Variants in NR5A2 observed in about 807,000 individuals in gnomAD.
NR5A2 encodes nuclear receptor subfamily 5 group A member 2, also known as CYP7A promoter-binding factor.
A neutral mutation model predicts 62.7 loss-of-function variants in NR5A2; 26 were observed. The observed-to-expected ratio is 0.41, with a 90% confidence interval of 0.30 to 0.58. The LOEUF is 0.58. Among genes scored for constraint, NR5A2 ranks in the 20% least tolerant of loss-of-function variants. NR5A2 has a pLI of 0.22. For missense variants in NR5A2, 541 were observed against 669.1 expected, an observed-to-expected ratio of 0.81 and a Z score of 2.11; for synonymous variants, 246 against 241.7, an observed-to-expected ratio of 1.02 and a Z score of -0.16.
chr1:200,121,344 G>A (rs1387331988), intron 7 of NR5A2, among the ~76,000 whole-genome samples: 1 of 152,114 alleles, frequency 6.6e-6, no homozygotes, highest in Non-Finnish European at 1.5e-5. Context: ...GTTTCAACTT[G>A]CTATTTACTT....
intron 5 of NR5A2, among the ~76,000 whole-genome samples, chr1:200,086,184 G>A (rs1185952156): frequency 1.3e-5 from 2 of 152,168 alleles, no homozygotes; most frequent in African/African-American, 4.8e-5. Context: ...TTCACTTACT[G>A]TTGTTAAGAC....
chr1:200,138,522 A>C (rs1384791605), intron 7 of NR5A2, among the ~76,000 whole-genome samples: 2 of 152,014 alleles, frequency 1.3e-5, no homozygotes, highest in Non-Finnish European at 2.9e-5. Context: ...TTCTCCTTTA[A>C]TTTTTTTCCA....
At chr1:200,066,516 C>G (rs1663475214) in intron 5 of NR5A2, among the ~76,000 whole-genome samples, 1 of 151,728 alleles carries the variant, frequency 6.6e-6, no homozygotes, top group Non-Finnish European at 1.5e-5. Flanking sequence ...GATATAAATT[C>G]AAGCTCTTCC....
At chr1:200,081,975 G>A (rs1023782531) in intron 5 of NR5A2, among the ~76,000 whole-genome samples, 1 of 151,964 alleles carries the variant, frequency 6.6e-6, no homozygotes, top group African/African-American at 2.4e-5. Flanking sequence ...CTAACAGGGG[G>A]TCACCGCAGT....
In NR5A2 at chr1:200,039,001, C is replaced by G. The variant is rs1381386889; in HGVS notation, c.65-657C>G. ...CCTGGCCCTACTTACCTCCTTCTCC[C>G]CCTCGTCTTCCCCCCTGTCCTTCCC... is the stretch of plus-strand genomic sequence containing the variant. On this transcript the variant is annotated intron_variant, in intron 1 of 7. Transcript: ENST00000367362. This position sits in a 1 kb window ranked among gnomAD's most constrained non-coding sequence, Gnocchi z 5.1. Among the ~76,000 whole-genome samples, 1 of 152,012 alleles carries G rather than the reference C, an allele frequency of 6.6e-6. No homozygotes were observed. The highest frequency in any genetic ancestry group is 1.5e-5 in the Non-Finnish European group (1 of 67,994).
chr1:200,045,434 G>A lies in NR5A2; in HGVS notation c.322-9G>A. On this transcript the variant is annotated splice_polypyrimidine_tract_variant and intron_variant, in intron 3 of 7. Transcript: ENST00000367362. The stretch of plus-strand genomic sequence containing the variant: ...TATAATACGTCTCACTATTTTCTCT[G>A]TCTTATAGGGATTTTTTAAGCGAAC... 1.3e-6 allele frequency: 2 copies of A among 1,593,894 alleles called. No individual in the cohort carries two copies. The highest frequency in any genetic ancestry group is 1.7e-6 in the Non-Finnish European group (2 of 1,172,084).
intron 5 of NR5A2, among the ~76,000 whole-genome samples, chr1:200,065,332 CAG>C (rs903582617): frequency 2.0e-5 from 3 of 151,476 alleles, no homozygotes; most frequent in African/African-American, 7.3e-5. Context: ...TTAGGAGAGA[CAG>C]GGTTTCACCA....
chr1:200,112,502 A>G (rs948398271), intron 6 of NR5A2, among the ~76,000 whole-genome samples: 21 of 152,224 alleles, frequency 1.4e-4, no homozygotes, highest in African/African-American at 4.8e-4. Flanking sequence ...CTGTGAAACC[A>G]CAGCAATGCT....
At chr1:200,164,838 G>A (rs1373554421) in intron 7 of NR5A2, among the ~76,000 whole-genome samples, 2 of 143,810 alleles carry the variant, frequency 1.4e-5, no homozygotes, top group African/African-American at 5.2e-5. Flanking sequence ...ATGAGTCACC[G>A]CACCTGGCCA....
intron 5 of NR5A2, among the ~76,000 whole-genome samples, chr1:200,071,175 T>C (rs1663723701): frequency 6.6e-6 from 1 of 152,180 alleles, no homozygotes. Context: ...GATTTCTAAA[T>C]CAAATGTACC....
chr1:200,094,519 T>C (rs1664978901), intron 5 of NR5A2, among the ~76,000 whole-genome samples: 1 of 128,584 alleles, frequency 7.8e-6, no homozygotes, highest in Admixed American at 8.6e-5. Flanking sequence ...ATCTATTAAA[T>C]GCCACTTTTT....
chr1:200,030,503 A>G (rs1489562023), intron 1 of NR5A2, among the ~76,000 whole-genome samples: 1 of 152,004 alleles, frequency 6.6e-6, no homozygotes, highest in Admixed American at 6.5e-5. Context: ...AAGTTAACTA[A>G]CTCTGGGACA....
chr1:200,043,001 G>C, intron 2 of NR5A2: 2 of 985,432 alleles, frequency 2.0e-6, no homozygotes, highest in Non-Finnish European at 2.4e-6. Context: ...GGAAACATGT[G>C]AGGTTCATTA....
chr1:200,153,294 C>G (rs111411504), intron 7 of NR5A2, among the ~76,000 whole-genome samples: 48 of 152,350 alleles, frequency 3.2e-4, no homozygotes, highest in African/African-American at 1.1e-3. Context: ...GTTAAAAGTA[C>G]ATTCTTTCCA....
intron 7 of NR5A2, among the ~76,000 whole-genome samples, chr1:200,127,010 A>G (rs1167373203): frequency 6.6e-6 from 1 of 152,234 alleles, no homozygotes; most frequent in Non-Finnish European, 1.5e-5. Context: ...TAATGTTAAT[A>G]ATAAAATGTC....
intron 7 of NR5A2, among the ~76,000 whole-genome samples, chr1:200,164,507 A>G (rs988852734): frequency 4.1e-4 from 63 of 152,098 alleles, no homozygotes; most frequent in Admixed American, 7.9e-4. Context: ...TGCACAATGT[A>G]AAATTTACCA....
At chr1:200,149,462 TA>T (rs1380546653) in intron 7 of NR5A2, among the ~76,000 whole-genome samples, 1 of 152,324 alleles carries the variant, frequency 6.6e-6, no homozygotes, top group African/African-American at 2.4e-5. Context: ...GCCTCTTTTT[TA>T]TTCTGATTGT....
At chr1:200,130,879 G>C (rs889782316) in intron 7 of NR5A2, among the ~76,000 whole-genome samples, 2 of 152,152 alleles carry the variant, frequency 1.3e-5, no homozygotes, top group Middle Eastern at 3.2e-3. Context: ...TGTTCTTCAT[G>C]AAGTCAGATA....
chr1:200,079,526 A>G (rs907224709), intron 5 of NR5A2, among the ~76,000 whole-genome samples: 7 of 152,246 alleles, frequency 4.6e-5, no homozygotes, highest in African/African-American at 1.7e-4. Flanking sequence ...GGCTTGATAT[A>G]TGGGCCTGGG....
Sources: allele counts gnomAD v4.1 joint callset (sites outside exome capture counted in the v4.1 genomes callset), GRCh38; gene constraint gnomAD v4.1.1; non-coding constraint Gnocchi (gnomAD v3.1); transcripts MANE v1.5; gene names NCBI Gene and HGNC (gene_info 2026-07-23, HGNC 2026-07-21).